The following MYRIP variants were observed in gnomAD, a reference collection of about 807,000 sequenced individuals.
MYRIP encodes the protein myosin VIIA and Rab interacting protein.
Under a neutral mutation model 98.0 loss-of-function variants are expected in MYRIP, and 49 were observed. The observed-to-expected ratio is 0.50, with a 90% CI of 0.40 to 0.63. The LOEUF is 0.63. MYRIP is among the 30% of genes least tolerant of loss of function. The pLI is 0.00. For synonymous variants in MYRIP, 404 were observed against 409.5 expected (o/e 0.99, Z 0.16); for missense variants, 1,004 against 1,058.2 (o/e 0.95, Z 0.71).
At chr3:40,162,874 A>G (rs749275386) in intron 5 of MYRIP, 64 bp downstream of exon 5, 29 of 1,432,142 alleles carry the variant, frequency 2.0e-5, no homozygotes, top group Non-Finnish European at 2.9e-5. Flanking sequence ...CTACAGGTAC[A>G]GGTACTGCCA....
At chr3:40,176,168 A>T (rs949057409) in intron 8 of MYRIP, among the ~76,000 whole-genome samples, 1 of 152,234 alleles carries the variant, frequency 6.6e-6, no homozygotes, top group African/African-American at 2.4e-5. Context: ...TGAGATCAGT[A>T]GCTCAGTGAT....
rs957994845 is a variant in MYRIP at position 40,213,165 on chromosome 3, G to A, written c.1905+3072G>A. On this transcript the variant is annotated intron_variant, in intron 11 of 16. Transcript: ENST00000302541. ...CAGTTCCTGCACTTGCTTACAGCCT[G>A]TCAACAGGCTCATGTCTGTCTTGCT... Among the ~76,000 whole-genome samples the A allele has an allele frequency of 2.6e-5, 4 of 152,162 alleles. No homozygotes were observed. The East Asian group carries it at 7.7e-4, about 29-fold the overall frequency.
intron 2 of MYRIP, among the ~76,000 whole-genome samples, chr3:40,042,410 A>G (rs1947558990): frequency 6.6e-6 from 1 of 152,148 alleles, no homozygotes; most frequent in Admixed American, 6.5e-5. Flanking sequence ...TCCAATGTCC[A>G]TGAAAGAAAA....
chr3:39,815,424 T>C (rs1002957256), intron 1 of MYRIP, among the ~76,000 whole-genome samples: 20 of 152,036 alleles, frequency 1.3e-4, no homozygotes, highest in African/African-American at 3.6e-4. Context: ...TATGTATGTA[T>C]ATATATATAC....
intron 2 of MYRIP, among the ~76,000 whole-genome samples, chr3:39,937,351 T>C (rs1944677266): frequency 6.6e-6 from 1 of 152,216 alleles, no homozygotes; most frequent in Non-Finnish European, 1.5e-5. Flanking sequence ...CTTTTAACTT[T>C]CACCATGAAG....
intron 3 of MYRIP, among the ~76,000 whole-genome samples, chr3:40,129,691 C>T (rs980480086): frequency 2.6e-5 from 4 of 152,116 alleles, no homozygotes; most frequent in Middle Eastern, 3.2e-3. Context: ...CATGTAAACT[C>T]TTAGTTTGCA....
chr3:39,855,309 G>C (rs1345999946), intron 1 of MYRIP, among the ~76,000 whole-genome samples: 3 of 152,166 alleles, frequency 2.0e-5, no homozygotes, highest in Non-Finnish European at 4.4e-5. Context: ...ATGAGCTCTA[G>C]TAGTAGTAGG....
At chr3:39,878,171 G>C (rs6789907) in intron 1 of MYRIP, among the ~76,000 whole-genome samples, 2,592 of 152,334 alleles carry the variant, frequency 0.017, 70 homozygotes, top group African/African-American at 0.059. Context: ...ATAATCTCCT[G>C]GTGTGCCGTT....
intron 3 of MYRIP, among the ~76,000 whole-genome samples, chr3:40,127,348 C>A (rs1949545023): frequency 6.6e-6 from 1 of 152,152 alleles, no homozygotes; most frequent in Non-Finnish European, 1.5e-5. Flanking sequence ...TAGCGACTTG[C>A]TTTTGGTCAC....
At chr3:39,850,566 C>T (rs1236921120) in intron 1 of MYRIP, among the ~76,000 whole-genome samples, 3 of 151,172 alleles carry the variant, frequency 2.0e-5, no homozygotes, top group Admixed American at 2.0e-4. Context: ...AAATATTCTC[C>T]TTAAAAAAAT....
At chr3:40,121,293 G>A (rs1338877259) in intron 3 of MYRIP, among the ~76,000 whole-genome samples, 3 of 152,112 alleles carry the variant, frequency 2.0e-5, no homozygotes, top group African/African-American at 4.8e-5. Flanking sequence ...TCTATCTTGG[G>A]TAATAAAGTT....
intron 3 of MYRIP, among the ~76,000 whole-genome samples, chr3:40,105,769 G>A (rs1049777772): frequency 1.3e-5 from 2 of 152,154 alleles, no homozygotes; most frequent in African/African-American, 4.8e-5. Context: ...GCAGCAGAGA[G>A]AGAAGAGTGA....
rs951149954 is a variant in MYRIP at position 39,966,095 on chromosome 3, C to T, written c.110+65169C>T. On this transcript the variant is annotated intron_variant, in intron 2 of 16. Coordinates refer to ENST00000302541, the MANE Select transcript of MYRIP (RefSeq NM_015460.4). ...CAGACAGGTGGCTACTCCAAGATCT[C>T]GAGGTAAGTACACCCCAGCCTGTTC... Among the ~76,000 whole-genome samples, 8 of 152,130 alleles carry T rather than the reference C, an allele frequency of 5.3e-5. 1 individual carries two copies. The highest frequency in any genetic ancestry group is 8.8e-5 in the Non-Finnish European group (6 of 68,022).
chr3:39,908,474 G>T (rs1334015890), intron 2 of MYRIP, among the ~76,000 whole-genome samples: 2 of 152,036 alleles, frequency 1.3e-5, no homozygotes, highest in African/African-American at 4.8e-5. Flanking sequence ...AAATAAATAA[G>T]AGCTGCCAGG....
chr3:40,192,309 C>CATATATATATATATATATAT, intron 10 of MYRIP, among the ~76,000 whole-genome samples: 1 of 57,954 alleles, frequency 1.7e-5, no homozygotes, highest in East Asian at 7.1e-4. Flanking sequence ...TAGTTTTCTT[C>CATATATATATATATATATAT]ATATATATAT....
chr3:39,964,434 C>T (rs745498227), intron 2 of MYRIP, among the ~76,000 whole-genome samples: 5 of 152,130 alleles, frequency 3.3e-5, no homozygotes, highest in Non-Finnish European at 7.4e-5. Context: ...AGAGCCTGAA[C>T]GTGAGAAGAA....
At chr3:39,971,143 C>A (rs772321951) in intron 2 of MYRIP, among the ~76,000 whole-genome samples, 2 of 152,060 alleles carry the variant, frequency 1.3e-5, no homozygotes, top group African/African-American at 4.8e-5. Flanking sequence ...CAAATAAAGG[C>A]TAGTTAGTAA....
chr3:40,220,991 C>T (rs937636326), intron 11 of MYRIP, among the ~76,000 whole-genome samples: 1 of 122,544 alleles, frequency 8.2e-6, no homozygotes, highest in African/African-American at 3.0e-5. Flanking sequence ...CAGACCCAAA[C>T]CATATCAAAC....
rs369265779 is a variant in MYRIP, at chr3:40,005,954, C to A, written c.111-38096C>A. ...GGGGGATTTAATTTGACCTGATAGA[C>A]AAGGGAAGGCCTTTCATGGAGAAAT... is the stretch of plus-strand genomic sequence containing the variant. On this transcript the variant is annotated intron_variant, in intron 2 of 16. Transcript: ENST00000302541. 2.5e-3 allele frequency among the ~76,000 whole-genome samples: 379 copies of A among 152,118 alleles called. 1 individual carries two copies. The highest frequency in any genetic ancestry group is 4.4e-3 in the Non-Finnish European group (299 of 68,012).
Sources: allele counts gnomAD v4.1 joint callset (sites outside exome capture counted in the v4.1 genomes callset), GRCh38; gene constraint gnomAD v4.1.1; transcripts MANE v1.5; gene names NCBI Gene and HGNC (gene_info 2026-07-23, HGNC 2026-07-21).